Variants in EZR observed in about 807,000 individuals in gnomAD.
The protein encoded by EZR is cytovillin 2.
Under a neutral mutation model 74.8 loss-of-function variants are expected in EZR, and 40 were observed. The observed-to-expected ratio is 0.53, with a 90% CI of 0.42 to 0.70. The LOEUF is 0.70. Ranked by LOEUF, EZR falls within the 30% of genes least tolerant of loss-of-function variation. EZR has a pLI of 0.00. For synonymous variants in EZR, 341 were observed against 283.3 expected (o/e 1.20, Z -2.05); for missense variants, 678 against 755.8 (o/e 0.90, Z 1.21).
At chr6:158,779,841 G>T (rs1257624346) in intron 7 of EZR, among the ~76,000 whole-genome samples, 2 of 152,020 alleles carry the variant, frequency 1.3e-5, no homozygotes, top group African/African-American at 2.4e-5. Flanking sequence ...CTCCCAAAGT[G>T]CTGGGATTAC....
intron 2 of EZR, among the ~76,000 whole-genome samples, chr6:158,817,191 T>C (rs1777576291): frequency 6.6e-6 from 1 of 152,242 alleles, no homozygotes; most frequent in South Asian, 2.1e-4. Context: ...TAATGAATCC[T>C]GATATTTTGT....
In EZR at chr6:158,767,258, C is replaced by T; in HGVS notation, c.1596+3G>A. Reference sequence around the variant, plus strand: ...CCTGGAGACAGAGCCCCTTGGGCCTCACCAGCAGCTGCCGCTGCACACGCT... The same window carrying T: ...CCTGGAGACAGAGCCCCTTGGGCCTTACCAGCAGCTGCCGCTGCACACGCT... On this transcript the variant is annotated splice_donor_region_variant and intron_variant, in intron 13 of 13. Coordinates refer to ENST00000367075, the MANE Select transcript of EZR (RefSeq NM_001111077.2). The T allele has an allele frequency of 6.2e-7, 1 of 1,611,204 alleles. No homozygotes were observed. Among genetic ancestry groups the T allele is most frequent in the Non-Finnish European group, 8.5e-7 (1 of 1,178,172 alleles).
At chr6:158,800,641 A>C (rs930380556) in intron 2 of EZR, among the ~76,000 whole-genome samples, 8 of 152,160 alleles carry the variant, frequency 5.3e-5, no homozygotes, top group Non-Finnish European at 5.9e-5. Flanking sequence ...TCTCCACTAA[A>C]AATACAAAAT....
Position 158,765,852 on chromosome 6 carries a change from G to C in EZR, c.*1062C>G, listed in dbSNP as rs190701352. 1 of 152,210 alleles carries C rather than the reference G, an allele frequency of 6.6e-6. No individual in the cohort carries two copies. Among genetic ancestry groups the C allele is most frequent in the African/African-American group, 2.4e-5 (1 of 41,438 alleles). The allele number at this position is 152,210 out of a possible 1,614,324, so 9.4% of individuals were successfully genotyped here. On this transcript the variant is annotated 3_prime_UTR_variant, in exon 14 of 14. Transcript: ENST00000367075. ...AGTGCACGAGAAGGAATGAGTGGGC[G>C]GAACCAACGGCCTCCACAAGCTGCC...
intron 12 of EZR, among the ~76,000 whole-genome samples, chr6:158,768,390 G>A (rs541527045): frequency 2.6e-5 from 4 of 151,870 alleles, no homozygotes; most frequent in South Asian, 2.1e-4. Flanking sequence ...CTTTATAGCC[G>A]TTGTGAGAAC....
At chr6:158,771,572 G>A (rs1282806552) in intron 8 of EZR, among the ~76,000 whole-genome samples, 165 bp from the exon 9 acceptor site, 2 of 152,248 alleles carry the variant, frequency 1.3e-5, no homozygotes, top group East Asian at 1.9e-4. Context: ...GACAGATGGA[G>A]GAAGGGCACG....
chr6:158,785,616 TC>T (rs761164572), intron 4 of EZR, 33 bp from the exon 5 acceptor site: 1 of 1,604,972 alleles, frequency 6.2e-7, no homozygotes, highest in Non-Finnish European at 8.5e-7. Context: ...TCCACACAAA[TC>T]CGGAAGACGA....
At chr6:158,801,173 G>A (rs1323680311) in intron 2 of EZR, among the ~76,000 whole-genome samples, 2 of 152,182 alleles carry the variant, frequency 1.3e-5, no homozygotes, top group Non-Finnish European at 2.9e-5. Flanking sequence ...GGAGTGCAGT[G>A]GCACAATCTC....
intron 2 of EZR, among the ~76,000 whole-genome samples, chr6:158,807,310 G>GTTTGTTT (rs1554275216): frequency 1.3e-5 from 1 of 78,772 alleles, no homozygotes; most frequent in Admixed American, 1.1e-4. Context: ...CAGAGACTCC[G>GTTTGTTT]TCTCAAAAAA....
chr6:158,802,312 A>G (rs1777203217), intron 2 of EZR, among the ~76,000 whole-genome samples: 1 of 152,190 alleles, frequency 6.6e-6, no homozygotes, highest in African/African-American at 2.4e-5. Context: ...ACAACTTTTA[A>G]CCTGAATAAA....
At position 158,766,853 on chromosome 6, in the gene EZR, C is replaced by T. The variant is rs540272246; in HGVS notation, c.*61G>A. On this transcript the variant is annotated 3_prime_UTR_variant, in exon 14 of 14. Coordinates refer to ENST00000367075, the MANE Select transcript of EZR (RefSeq NM_001111077.2). ...AGACTTGGAGCACTAAAGACACAAGCGTGGCGGGGCTGGCAGCGCCCGCTA... is the reference window on the plus strand; with the variant it reads ...AGACTTGGAGCACTAAAGACACAAGTGTGGCGGGGCTGGCAGCGCCCGCTA... 69 of 1,495,930 alleles carry T rather than the reference C, an allele frequency of 4.6e-5. No homozygotes were observed. The highest frequency in any genetic ancestry group is 1.4e-4 in the East Asian group (6 of 43,888). The allele number at this position is 1,495,930 out of a possible 1,614,324, so 92.7% of individuals were successfully genotyped here. A position where few individuals can be genotyped will look rare whatever the true frequency, so the allele number is the denominator to read the frequency against.
intron 2 of EZR, among the ~76,000 whole-genome samples, chr6:158,816,869 T>C (rs1470978313): frequency 6.6e-6 from 1 of 152,144 alleles, no homozygotes; most frequent in Non-Finnish European, 1.5e-5. Flanking sequence ...GCAGATCACC[T>C]GAGGTCAGGA....
At chr6:158,779,179 C>CTT (rs1298442143) in intron 7 of EZR, among the ~76,000 whole-genome samples, 9 of 152,212 alleles carry the variant, frequency 5.9e-5, no homozygotes, top group Admixed American at 1.3e-4. Context: ...CAAAACAGCA[C>CTT]TTTATTCTTA....
chr6:158,784,780 G>C, intron 5 of EZR, 53 bp from the exon 6 acceptor site: 4 of 1,502,088 alleles, frequency 2.7e-6, no homozygotes, highest in Non-Finnish European at 3.7e-6. Flanking sequence ...TGACAGGCAA[G>C]GAAGGAGGCC....
chr6:158,768,916 A>ATG (rs1454440273), intron 12 of EZR, among the ~76,000 whole-genome samples: 1 of 152,160 alleles, frequency 6.6e-6, no homozygotes, highest in African/African-American at 2.4e-5. Flanking sequence ...TGCCCGCTGT[A>ATG]TATACTAGCT....
chr6:158,789,254 TAGGTGGAG>T lies in EZR; in HGVS notation c.96+26_96+33del, dbSNP rs1461677736. On this transcript the variant is annotated intron_variant, in intron 3 of 13. Transcript: ENST00000367075. ...AATGTTGCAAAACAGTTTTTTTTTG[TAGGTGGAG>T]TTAACTCTCAAGTTCAGAGACCAAC... 4 of 1,520,896 alleles carry T rather than the reference TAGGTGGAG, an allele frequency of 2.6e-6. No individual in the cohort carries two copies. The Admixed American group carries it at 5.4e-5, about 20-fold the overall frequency. The allele number at this position is 1,520,896 out of a possible 1,614,324, so 94.2% of individuals were successfully genotyped here.
At chr6:158,794,914 C>T (rs1777036317) in intron 2 of EZR, among the ~76,000 whole-genome samples, 1 of 152,076 alleles carries the variant, frequency 6.6e-6, no homozygotes, top group Admixed American at 6.6e-5. Flanking sequence ...TAATGAAAAA[C>T]CAATACTGTT....
Position 158,818,120 on chromosome 6 carries a change from T to G in EZR, c.-27A>C. Reference sequence around the variant, plus strand: ...TTCGGTTTCTGGTGAGTATCCTCGATCCCCGAAAACACGACTATCCAGCAG... The same window carrying G: ...TTCGGTTTCTGGTGAGTATCCTCGAGCCCCGAAAACACGACTATCCAGCAG... On this transcript the variant is annotated 5_prime_UTR_variant, in exon 2 of 14. Coordinates refer to ENST00000367075, the MANE Select transcript of EZR (RefSeq NM_001111077.2). 1 of 1,606,808 alleles carries G rather than the reference T, an allele frequency of 6.2e-7. No individual in the cohort carries two copies. The highest frequency in any genetic ancestry group is 8.5e-7 in the Non-Finnish European group (1 of 1,175,144).
At chr6:158,796,080 G>C (rs191697818) in intron 2 of EZR, among the ~76,000 whole-genome samples, 1 of 152,166 alleles carries the variant, frequency 6.6e-6, no homozygotes, top group East Asian at 1.9e-4. Flanking sequence ...TCCCTCCTTA[G>C]GGGACACATG....
Sources: allele counts gnomAD v4.1 joint callset (sites outside exome capture counted in the v4.1 genomes callset), GRCh38; gene constraint gnomAD v4.1.1; transcripts MANE v1.5; gene names NCBI Gene and HGNC (gene_info 2026-07-23, HGNC 2026-07-21).